The following TRIM2 variants were observed in gnomAD, a reference collection of about 807,000 sequenced individuals.
TRIM2 encodes tripartite motif-containing protein 2.
Under a neutral mutation model 75.2 loss-of-function variants are expected in TRIM2, and 20 were observed. The ratio of observed to expected loss-of-function variants is 0.27; its 90% CI spans 0.19 to 0.39. The LOEUF (loss-of-function observed/expected upper bound fraction) is 0.39, where lower values mean the gene tolerates loss of function less well. Ranked by LOEUF, TRIM2 falls within the 10% of genes least tolerant of loss-of-function variation. The pLI, the probability that TRIM2 is intolerant of heterozygous loss-of-function variation, is 1.00. For missense variants in TRIM2, 660 were observed against 990.8 expected (o/e 0.67, Z 4.48); for synonymous variants, 373 against 388.3 (o/e 0.96, Z 0.46).
chr4:153,338,781 A>G lies in TRIM2; in HGVS notation c.*3815A>G, dbSNP rs1024050533. ...TTAATAAATTGGCTATGTTGTTCCA[A>G]TGAATGTACAGCACTTCCATTAACT... On this transcript the variant is annotated 3_prime_UTR_variant, in exon 12 of 12. Coordinates refer to ENST00000338700, the MANE Select transcript of TRIM2 (RefSeq NM_015271.5). 3 of 985,728 alleles carry G rather than the reference A, an allele frequency of 3.0e-6. No individual in the cohort carries two copies. The highest frequency in any genetic ancestry group is 3.5e-5 in the African/African-American group (2 of 57,246). 61.1% of individuals were successfully genotyped at this position (985,728 alleles called of 1,614,324 possible). A position where few individuals can be genotyped will look rare whatever the true frequency, so the allele number is the denominator to read the frequency against.
At chr4:153,326,979 C>CAAAAAAAAAA (rs10718802) in intron 10 of TRIM2, among the ~76,000 whole-genome samples, 1 of 98,976 alleles carries the variant, frequency 1.0e-5, no homozygotes, top group Non-Finnish European at 2.0e-5. Context: ...GACTCCATCT[C>CAAAAAAAAAA]AAAAAAAAAA....
chr4:153,182,391 G>T (rs1732158589), intron 1 of TRIM2, among the ~76,000 whole-genome samples: 1 of 152,150 alleles, frequency 6.6e-6, no homozygotes, highest in Non-Finnish European at 1.5e-5. Flanking sequence ...TGGTGTCTCA[G>T]CTGAACACCA....
At chr4:153,274,421 A>G (rs1256617877) in intron 2 of TRIM2, among the ~76,000 whole-genome samples, 4 of 152,216 alleles carry the variant, frequency 2.6e-5, no homozygotes, top group African/African-American at 9.6e-5. Flanking sequence ...GGTGCTATTC[A>G]TCAGGAATGG....
At chr4:153,293,407 C>T (rs1390970112) in intron 4 of TRIM2, among the ~76,000 whole-genome samples, 1 of 152,214 alleles carries the variant, frequency 6.6e-6, no homozygotes, top group Admixed American at 6.5e-5. Flanking sequence ...CTCAAATAAA[C>T]TGCTCTCAGG....
At chr4:153,166,857 G>T (rs931701449) in intron 1 of TRIM2, among the ~76,000 whole-genome samples, 1 of 152,194 alleles carries the variant, frequency 6.6e-6, no homozygotes, top group Non-Finnish European at 1.5e-5. Flanking sequence ...CTACCATTCA[G>T]TATACAGATT....
chr4:153,308,293 CCTT>C (rs1765479510), intron 6 of TRIM2: 6 of 1,547,744 alleles, frequency 3.9e-6, no homozygotes, highest in Non-Finnish European at 5.4e-6. Flanking sequence ...GAAATAATGT[CCTT>C]CTCCAGATCA....
chr4:153,211,078 A>G (rs1239433603), intron 1 of TRIM2, among the ~76,000 whole-genome samples: 1 of 152,220 alleles, frequency 6.6e-6, no homozygotes, highest in African/African-American at 2.4e-5. Flanking sequence ...CAGGCTTCCA[A>G]TATGAGGCTG....
chr4:153,203,549 C>T (rs534651929), upstream of TRIM2, among the ~76,000 whole-genome samples: 74 of 150,726 alleles, frequency 4.9e-4, 1 homozygote, highest in African/African-American at 1.7e-3. Flanking sequence ...GATCACACTA[C>T]TGCACTCCAG....
At chr4:153,331,843 A>T (rs1347103034) in intron 11 of TRIM2, among the ~76,000 whole-genome samples, 1 of 152,246 alleles carries the variant, frequency 6.6e-6, no homozygotes, top group Non-Finnish European at 1.5e-5. Context: ...TTGCTCCCAC[A>T]GTTGTACAGC....
At position 153,321,820 on chromosome 4, in the gene TRIM2, A is replaced by G. The variant is rs73854655; in HGVS notation, c.1783-828A>G. ...GACTGCTTGCTGTGTGCTACACTCT[A>G]CAGTAAACCCTTTACCTACCTTATT... On this transcript the variant is annotated intron_variant, in intron 8 of 11. Coordinates refer to ENST00000338700, the MANE Select transcript of TRIM2 (RefSeq NM_015271.5). Among the ~76,000 whole-genome samples the G allele has an allele frequency of 8.3e-3, 1,260 of 152,310 alleles. 19 individuals carry two copies. Among genetic ancestry groups the G allele is most frequent in the African/African-American group, 0.028 (1,180 of 41,550 alleles).
intron 3 of TRIM2, among the ~76,000 whole-genome samples, chr4:153,289,507 T>C (rs1354038679): frequency 1.3e-5 from 2 of 152,198 alleles, no homozygotes; most frequent in African/African-American, 4.8e-5. Flanking sequence ...TGGATGCTGA[T>C]CTTTTTTCAT....
intron 6 of TRIM2, among the ~76,000 whole-genome samples, chr4:153,298,042 T>C (rs1381656994): frequency 6.6e-6 from 1 of 152,162 alleles, no homozygotes; most frequent in East Asian, 1.9e-4. Flanking sequence ...GCTCAAACTA[T>C]ATTGGTTTTG....
intron 11 of TRIM2, 116 bp from the exon 12 acceptor site, chr4:153,334,698 C>A (rs1335272069): frequency 4.0e-6 from 4 of 1,001,134 alleles, no homozygotes; most frequent in Non-Finnish European, 5.8e-6. Context: ...AGAGTGAGAC[C>A]CTGTCAAAAA....
chr4:153,241,821 A>G (rs1746704901), intron 1 of TRIM2, among the ~76,000 whole-genome samples: 1 of 152,226 alleles, frequency 6.6e-6, no homozygotes, highest in Non-Finnish European at 1.5e-5. Context: ...AGAACGGAGG[A>G]GAGGCCACAC....
At chr4:153,196,134 A>G (rs1560801991) in intron 1 of TRIM2, among the ~76,000 whole-genome samples, 2 of 152,182 alleles carry the variant, frequency 1.3e-5, no homozygotes, top group Admixed American at 1.3e-4. Flanking sequence ...TTGAGAAGTT[A>G]ATGAACATTG....
rs912203221 is a variant in TRIM2 at position 153,248,847 on chromosome 4, G to C, written c.31-21488G>C. 6.6e-6 allele frequency among the ~76,000 whole-genome samples: 1 copy of C among 152,198 alleles called. No homozygotes were observed. The highest frequency in any genetic ancestry group is 6.5e-5 in the Admixed American group (1 of 15,272). ...CCTCTGATTAGCTCCCTCTGCCAAG[G>C]TGCCCAGGCTCCTACTTCAGTGTCA... On this transcript the variant is annotated intron_variant, in intron 1 of 11. Transcript: ENST00000338700. This position sits in a 1 kb window ranked among gnomAD's most constrained non-coding sequence, Gnocchi z 4.0.
intron 1 of TRIM2, among the ~76,000 whole-genome samples, chr4:153,184,889 T>C (rs1012839327): frequency 6.6e-5 from 10 of 152,116 alleles, no homozygotes; most frequent in Admixed American, 2.6e-4. Context: ...CCACAGACCA[T>C]ACCACTGAGA....
Position 153,275,916 on chromosome 4 carries a change from C to T in TRIM2, c.239C>T (p.Ala80Val), listed in dbSNP as rs1314440662. 13 of 1,614,060 alleles carry T rather than the reference C, an allele frequency of 8.1e-6. 1 individual carries two copies. In the South Asian group the frequency reaches 1.3e-4, roughly 16 times the overall value. The change falls in exon 3 of 12, where the codon GCC becomes GTC. Residue 80 changes from alanine to valine, a missense_variant. By Grantham distance (64) the Ala-to-Val change is moderately conservative. Around this residue, in one of 2 missense-constraint regions of TRIM2, gnomAD observed 620 missense variants for 891.0 expected, o/e 0.70. Coordinates refer to ENST00000338700, the MANE Select transcript of TRIM2 (RefSeq NM_015271.5). ...CERCLQNYIP[A>V]HSLTLSCPVC... ...AGGTGCCTGCAGAACTACATTCCTG[C>T]CCACAGTTTAACCCTCTCCTGCCCA...
chr4:153,183,975 G>C (rs1732333717), intron 1 of TRIM2, among the ~76,000 whole-genome samples: 1 of 152,148 alleles, frequency 6.6e-6, no homozygotes, highest in Non-Finnish European at 1.5e-5. Flanking sequence ...CTACCTCATA[G>C]GGATTAAATG....
Sources: allele counts gnomAD v4.1 joint callset (sites outside exome capture counted in the v4.1 genomes callset), GRCh38; gene constraint gnomAD v4.1.1; regional missense constraint gnomAD v4.1.1; non-coding constraint Gnocchi (gnomAD v3.1); transcripts MANE v1.5; gene names NCBI Gene and HGNC (gene_info 2026-07-23, HGNC 2026-07-21).